The following PAX7 variants were observed in gnomAD, a reference collection of about 807,000 sequenced individuals.
PAX7 encodes the protein paired box protein Pax-7.
A neutral mutation model predicts 50.7 loss-of-function variants in PAX7; 18 were observed. The observed-to-expected ratio is 0.36, with a 90% CI of 0.25 to 0.53. The LOEUF (loss-of-function observed/expected upper bound fraction) is 0.53. Among genes scored for constraint, PAX7 ranks in the 20% least tolerant of loss-of-function variants. The probability of loss-of-function intolerance (pLI) is 0.93; values close to 1 mark genes in which losing one functional copy is unlikely to be tolerated. For missense variants in PAX7, 644 were observed against 702.9 expected (o/e 0.92, Z 0.95); for synonymous variants, 310 against 290.4 (o/e 1.07, Z -0.69).
chr1:18,736,827 A>G (rs1436897971), intron 8 of PAX7, among the ~76,000 whole-genome samples: 2 of 152,248 alleles, frequency 1.3e-5, no homozygotes, highest in African/African-American at 4.8e-5. Context: ...GTTCAAGTGA[A>G]ATCGGCATTT....
chr1:18,675,285 C>A (rs1270091693), intron 4 of PAX7, among the ~76,000 whole-genome samples: 1 of 152,082 alleles, frequency 6.6e-6, no homozygotes, highest in African/African-American at 2.4e-5. Flanking sequence ...CCAATAGGCA[C>A]GTGCCGATCG....
At chr1:18,681,164 TAAAAAAAAAA>T (rs143668000) in intron 4 of PAX7, among the ~76,000 whole-genome samples, 3 of 67,380 alleles carry the variant, frequency 4.5e-5, no homozygotes, top group South Asian at 7.7e-4. Flanking sequence ...CAAAACTCCG[TAAAAAAAAAA>T]AAAAAAAAAA....
Position 18,634,288 on chromosome 1 carries a change from C to A in PAX7, c.86-15C>A, listed in dbSNP as rs757456623. ...CTGCACCTCTCTCCTTCTGCATCTC[C>A]CCTCCCTTCTCCAGTGTCCACCCCG... On this transcript the variant is annotated splice_polypyrimidine_tract_variant and intron_variant, in intron 1 of 8. Coordinates refer to ENST00000420770, the MANE Select transcript of PAX7 (RefSeq NM_001135254.2). This position sits in a 1 kb window ranked among gnomAD's most constrained non-coding sequence, Gnocchi z 4.0. 3 of 1,605,378 alleles carry A rather than the reference C, an allele frequency of 1.9e-6. No individual in the cohort carries two copies. Among genetic ancestry groups the A allele is most frequent in the Non-Finnish European group, 2.6e-6 (3 of 1,173,386 alleles).
intron 7 of PAX7, among the ~76,000 whole-genome samples, chr1:18,725,999 C>T (rs528837163): frequency 0.055 from 6,361 of 116,090 alleles, 430 homozygotes; most frequent in African/African-American, 0.19. Context: ...TGTGTGCGCG[C>T]GCGCGCGTGC....
At position 18,715,872 on chromosome 1, in the gene PAX7, G is replaced by A. The variant is rs1458212290; in HGVS notation, c.1155+12576G>A. 3.3e-5 allele frequency among the ~76,000 whole-genome samples: 5 copies of A among 152,104 alleles called. No individual in the cohort carries two copies. In the East Asian group the frequency reaches 5.8e-4, roughly 18 times the overall value. ...GGTCACAGTGAGTTAGCGCAGGGCC[G>A]GGATGCAGACCTCCTGTTGCAGAAT... is the stretch of plus-strand genomic sequence containing the variant. On this transcript the variant is annotated intron_variant, in intron 7 of 8. Transcript: ENST00000420770.
In PAX7 at chr1:18,691,790, A is replaced by G. The variant is rs765159481; in HGVS notation, c.623A>G (p.Glu208Gly). Residue 208 changes from glutamate to glycine, a missense_variant, in exon 5 of 9, where the codon GAA (glutamate) becomes GGA (glycine). Physicochemically the swap from Glu to Gly is moderately conservative, Grantham distance 98 (BLOSUM62 -2). Coordinates refer to ENST00000420770, the MANE Select transcript of PAX7 (RefSeq NM_001135254.2). ...GACGAGGGCTCGGATGTGGAGTCGG[A>G]ACCTGACCTCCCACTGAAGCGCAAG... ...RLDEGSDVES[E>G]PDLPLKRKQR... 11 of 1,603,222 alleles carry G rather than the reference A, an allele frequency of 6.9e-6. No individual in the cohort carries two copies. Among genetic ancestry groups the G allele is most frequent in the Non-Finnish European group, 8.5e-6 (10 of 1,175,358 alleles).
At chr1:18,672,625 T>C (rs1330456950) in intron 4 of PAX7, among the ~76,000 whole-genome samples, 3 of 136,668 alleles carry the variant, frequency 2.2e-5, no homozygotes, top group South Asian at 2.5e-4. Context: ...TTTGTGAGAC[T>C]AAGTCTCGCT....
At chr1:18,694,846 C>T (rs947139894) in intron 5 of PAX7, among the ~76,000 whole-genome samples, 4 of 152,196 alleles carry the variant, frequency 2.6e-5, no homozygotes, top group African/African-American at 9.7e-5. Context: ...TGATGAGATT[C>T]CCATTACCAG....
In PAX7 at chr1:18,636,180, C is replaced by T. The variant is rs530359377; in HGVS notation, c.452-57C>T. The T allele has an allele frequency of 4.9e-5, 78 of 1,581,206 alleles. No individual in the cohort carries two copies. In the African/African-American group the frequency reaches 9.4e-4, roughly 19 times the overall value. On this transcript the variant is annotated intron_variant, in intron 3 of 8. Coordinates refer to ENST00000420770, the MANE Select transcript of PAX7 (RefSeq NM_001135254.2). This position sits in a 1 kb window ranked among gnomAD's most constrained non-coding sequence, Gnocchi z 5.1. ...ACTTTCTCCCAGGGGCCCAGGCCAC[C>T]GCTCGCTCCTCTGCTCCAACAACTT... is the stretch of plus-strand genomic sequence containing the variant.
chr1:18,698,562 A>T (rs1170810563), intron 5 of PAX7, among the ~76,000 whole-genome samples: 1 of 152,200 alleles, frequency 6.6e-6, no homozygotes, highest in Non-Finnish European at 1.5e-5. Context: ...CAGTGGCAGG[A>T]GGCCCACTGT....
chr1:18,675,318 A>T (rs1251651649), intron 4 of PAX7, among the ~76,000 whole-genome samples: 1 of 152,066 alleles, frequency 6.6e-6, no homozygotes, highest in African/African-American at 2.4e-5. Flanking sequence ...CAACCTCACC[A>T]ACTCTGACAG....
At chr1:18,698,617 C>T (rs959259942) in intron 5 of PAX7, among the ~76,000 whole-genome samples, 2 of 152,204 alleles carry the variant, frequency 1.3e-5, no homozygotes, top group Non-Finnish European at 2.9e-5. Flanking sequence ...ACACCCTTCC[C>T]GCAGAGCCTG....
chr1:18,734,775 C>T lies in PAX7; in HGVS notation c.1156-857C>T, dbSNP rs1442302777. ...CCCCGACCGAGGGCAGGGACCATGG[C>T]TCTTTCTCCTCTGAAGTCTCAGAGC... On this transcript the variant is annotated intron_variant, in intron 7 of 8. Transcript: ENST00000420770. Among the ~76,000 whole-genome samples the T allele has an allele frequency of 2.6e-5, 4 of 152,206 alleles. No homozygotes were observed. In the East Asian group the frequency reaches 5.8e-4, roughly 22 times the overall value.
In PAX7 at chr1:18,709,506, G is replaced by A. The variant is rs148886565; in HGVS notation, c.1155+6210G>A. 8.7e-3 allele frequency among the ~76,000 whole-genome samples: 1,328 copies of A among 152,208 alleles called. 15 individuals are homozygous for A. The highest frequency in any genetic ancestry group is 0.031 in the African/African-American group (1,267 of 41,526). ...CCTGCTTCTTGATACCCTTCTCTCC[G>A]GTCCAGCCTGTGCCTTTAGTAATTA... On this transcript the variant is annotated intron_variant, in intron 7 of 8. Coordinates refer to ENST00000420770, the MANE Select transcript of PAX7 (RefSeq NM_001135254.2).
chr1:18,719,393 G>A (rs958371041), intron 7 of PAX7, among the ~76,000 whole-genome samples: 9 of 152,368 alleles, frequency 5.9e-5, no homozygotes, highest in Admixed American at 2.0e-4. Context: ...ATCCTGCTGC[G>A]TGAGGGCTGG....
At chr1:18,742,750 C>T (rs1221389065) in intron 8 of PAX7, among the ~76,000 whole-genome samples, 1 of 152,186 alleles carries the variant, frequency 6.6e-6, no homozygotes, top group African/African-American at 2.4e-5. Context: ...CACCCTGGAG[C>T]CTGGTAAGCA....
chr1:18,672,578 T>C (rs1441586075), intron 4 of PAX7, among the ~76,000 whole-genome samples: 1 of 149,724 alleles, frequency 6.7e-6, no homozygotes, highest in Non-Finnish European at 1.5e-5. Flanking sequence ...AATGCGGCCC[T>C]AGACTGGAGA....
intron 7 of PAX7, among the ~76,000 whole-genome samples, chr1:18,732,044 T>C (rs1206766844): frequency 6.6e-6 from 1 of 152,162 alleles, no homozygotes; most frequent in Admixed American, 6.5e-5. Context: ...CCTCAGGGCC[T>C]TTGCACTTGC....
At chr1:18,681,596 A>G (rs573063292) in intron 4 of PAX7, among the ~76,000 whole-genome samples, 77 of 152,336 alleles carry the variant, frequency 5.1e-4, no homozygotes, top group Admixed American at 2.6e-3. Flanking sequence ...GGACAGTACC[A>G]TGCTGCTAGC....
Sources: gnomAD v4.1 joint callset for allele counts (sites outside exome capture counted in the v4.1 genomes callset) on GRCh38, gnomAD v4.1.1 for gene constraint, Gnocchi (gnomAD v3.1) non-coding constraint, MANE v1.5 for transcripts, NCBI Gene and HGNC (gene_info 2026-07-23, HGNC 2026-07-21) for gene names.